The following PPP4R1 variants were observed in gnomAD, a reference collection of about 807,000 sequenced individuals.
The protein encoded by PPP4R1 is serine/threonine-protein phosphatase 4 regulatory subunit 1.
PPP4R1 carries 42 observed loss-of-function variants against 111.2 expected under a neutral mutation model. That is an observed-to-expected ratio of 0.38 (90% CI 0.29 to 0.49). The LOEUF is 0.49. Among genes scored for constraint, PPP4R1 ranks in the 20% least tolerant of loss-of-function variants. PPP4R1 has a pLI of 0.97. For synonymous variants in PPP4R1, 409 were observed against 405.5 expected (o/e 1.01, Z -0.10); for missense variants, 1,012 against 1,161.6 (o/e 0.87, Z 1.87).
rs1391750207 is a variant in PPP4R1, at chr18:9,593,888, AC to A, written c.189-15del. The A allele has an allele frequency of 6.3e-7, 1 of 1,599,838 alleles. No homozygotes were observed. Among genetic ancestry groups the A allele is most frequent in the Non-Finnish European group, 8.6e-7 (1 of 1,168,290 alleles). On this transcript the variant is annotated splice_polypyrimidine_tract_variant and intron_variant, in intron 3 of 19. Transcript: ENST00000400556. Reference sequence around the variant, plus strand: ...GCCACCATTTGTCTACACAAAAAAAACAAAATTATGTATGTTCAATGGCATC... The same window carrying A: ...GCCACCATTTGTCTACACAAAAAAAAAAAATTATGTATGTTCAATGGCATC...
At chr18:9,583,351 G>A in intron 8 of PPP4R1, 76 bp from the exon 9 acceptor site, 1 of 1,296,404 alleles carries the variant, frequency 7.7e-7, no homozygotes, top group South Asian at 1.7e-5. Flanking sequence ...TTCATTTTCT[G>A]CTTTCACGCT....
At chr18:9,570,079 CTGAAA>C in intron 11 of PPP4R1, 73 bp downstream of exon 11, 2 of 1,428,162 alleles carry the variant, frequency 1.4e-6, no homozygotes, top group Non-Finnish European at 1.9e-6. Flanking sequence ...ACAATTTTTT[CTGAAA>C]TGAAATTTTT....
intron 14 of PPP4R1, among the ~76,000 whole-genome samples, chr18:9,558,074 A>T (rs2066615655): frequency 6.6e-6 from 1 of 152,238 alleles, no homozygotes; most frequent in Non-Finnish European, 1.5e-5. Flanking sequence ...TAATAATTTT[A>T]AGTTAAAAAC....
At chr18:9,613,316 T>C (rs1479460665) in intron 2 of PPP4R1, among the ~76,000 whole-genome samples, 1 of 152,256 alleles carries the variant, frequency 6.6e-6, no homozygotes, top group Non-Finnish European at 1.5e-5. Context: ...GAAACTATTT[T>C]AAGTTAACTG....
At chr18:9,611,483 T>A (rs2067578506) in intron 2 of PPP4R1, among the ~76,000 whole-genome samples, 1 of 152,172 alleles carries the variant, frequency 6.6e-6, no homozygotes, top group Non-Finnish European at 1.5e-5. Flanking sequence ...TCCCCCTCAT[T>A]CTTTCTCCCT....
intron 2 of PPP4R1, among the ~76,000 whole-genome samples, chr18:9,595,419 G>C (rs2067275499): frequency 3.3e-5 from 5 of 152,168 alleles, no homozygotes; most frequent in Admixed American, 3.3e-4. Flanking sequence ...CAGTATGCAG[G>C]AAAGTGACCA....
chr18:9,560,225 G>C (rs1204526273), intron 13 of PPP4R1, among the ~76,000 whole-genome samples: 1 of 152,212 alleles, frequency 6.6e-6, no homozygotes, highest in Admixed American at 6.5e-5. Flanking sequence ...AAGCTGCAGT[G>C]AGCTGGGATA....
At chr18:9,613,301 G>C (rs537643812) in intron 2 of PPP4R1, among the ~76,000 whole-genome samples, 1 of 152,304 alleles carries the variant, frequency 6.6e-6, no homozygotes, top group East Asian at 1.9e-4. Context: ...AGATTAGCAA[G>C]AATAGAAACT....
chr18:9,576,405 T>A (rs1370233458), intron 10 of PPP4R1, among the ~76,000 whole-genome samples: 2 of 151,966 alleles, frequency 1.3e-5, no homozygotes, highest in Non-Finnish European at 2.9e-5. Context: ...TATATTATAA[T>A]AAATTTTTAA....
chr18:9,550,122 T>C lies in PPP4R1; in HGVS notation c.2477A>G (p.Asn826Ser), dbSNP rs759424700. The C allele has an allele frequency of 3.7e-6, 6 of 1,614,178 alleles. No individual in the cohort carries two copies. The Admixed American group carries it at 5.0e-5, about 13-fold the overall frequency. Residue 826 changes from asparagine (N) to serine (S), a missense_variant, in exon 18 of 20, where the codon AAT (asparagine) becomes AGT (serine). Physicochemically the swap from Asn to Ser is conservative, Grantham distance 46. Transcript: ENST00000400556. ...TCTGCCAAAGTTCTCCACAAGCTCA[T>C]TGATGAGGTCCACTCCGAACGTTGG... Reference protein sequence around the residue: ...TPPTFGVDLINELVENFGRCP... With the variant: ...TPPTFGVDLISELVENFGRCP...
chr18:9,549,953 T>G, intron 18 of PPP4R1, 99 bp downstream of exon 18: 2 of 1,539,418 alleles, frequency 1.3e-6, no homozygotes, highest in East Asian at 2.2e-5. Flanking sequence ...GTTCTGTTCC[T>G]TAAGAGTAAG....
intron 2 of PPP4R1, among the ~76,000 whole-genome samples, chr18:9,603,435 TCAAC>T (rs1177224823): frequency 2.6e-5 from 4 of 152,214 alleles, no homozygotes; most frequent in African/African-American, 9.7e-5. Context: ...TTCTGGTTGA[TCAAC>T]CAAGTATTAA....
At chr18:9,577,601 A>C (rs1452632222) in intron 9 of PPP4R1, among the ~76,000 whole-genome samples, 5 of 152,174 alleles carry the variant, frequency 3.3e-5, no homozygotes, top group African/African-American at 9.6e-5. Context: ...CATGAGGCTA[A>C]GTCTGTAGTG....
In PPP4R1 at chr18:9,583,016, A is replaced by G. The variant is rs77378586; in HGVS notation, c.918+101T>C. 14,441 of 1,052,236 alleles carry G rather than the reference A, an allele frequency of 0.014. 807 individuals are homozygous for G. In the African/African-American group the frequency reaches 0.15, roughly 11 times the overall value. 65.2% of individuals were successfully genotyped at this position (1,052,236 alleles called of 1,614,324 possible). ...TATTCCTAAAAGTATAAAAAATAAT[A>G]TATCTTAAATTATAAGTTATTTCTT... On this transcript the variant is annotated intron_variant, in intron 9 of 19. Transcript: ENST00000400556.
intron 15 of PPP4R1, among the ~76,000 whole-genome samples, chr18:9,555,173 C>T (rs527553667): frequency 1.2e-4 from 19 of 152,048 alleles, no homozygotes; most frequent in South Asian, 2.1e-4. Context: ...CGTGGTGGTG[C>T]GCCTGTGGCC....
Position 9,610,867 on chromosome 18 carries a change from T to TACACACAC in PPP4R1, c.52+3351_52+3358dup, listed in dbSNP as rs60173784. Among the ~76,000 whole-genome samples, 725 of 149,886 alleles carry TACACACAC rather than the reference T, an allele frequency of 4.8e-3. 6 individuals carry two copies. The highest frequency in any genetic ancestry group is 0.01 in the Middle Eastern group (3 of 292). On this transcript the variant is annotated intron_variant, in intron 2 of 19. Coordinates refer to ENST00000400556, the MANE Select transcript of PPP4R1 (RefSeq NM_001042388.3). ...GAAACTCCTTCAATGAAATTATGTGTACACACACACACACACACACACACA... is the reference window on the plus strand; with the variant it reads ...GAAACTCCTTCAATGAAATTATGTGTACACACACACACACACACACACACACACACACA...
In PPP4R1 at chr18:9,588,769, G is replaced by C. The variant is rs757945846; in HGVS notation, c.380C>G (p.Ala127Gly). ...AATAGGTAGTAAGAATTTTGAAAAA[G>C]CATATGGTATTGAAGGCCGGTTTTC... ...CQENRPSIPYAFSKFLLPIVV... is the reference protein window; with the variant it reads ...CQENRPSIPYGFSKFLLPIVV... The change falls in exon 5 of 20, where the codon GCT becomes GGT. Residue 127 changes from alanine to glycine, a missense_variant. Ala to Gly is a moderately conservative substitution (Grantham distance 60, BLOSUM62 0). Transcript: ENST00000400556. 2 of 1,613,834 alleles carry C rather than the reference G, an allele frequency of 1.2e-6. No individual in the cohort carries two copies. The highest frequency in any genetic ancestry group is 1.7e-6 in the Non-Finnish European group (2 of 1,179,758).
rs1451825117 is a variant in PPP4R1, at chr18:9,605,465, T to TA, written c.52+8760dup. ...GAATCTTTACAGTGGAGCAATTTGA[T>TA]AGACATCACCTCCACACTACCAGTA... On this transcript the variant is annotated intron_variant, in intron 2 of 19. Coordinates refer to ENST00000400556, the MANE Select transcript of PPP4R1 (RefSeq NM_001042388.3). 6.8e-5 allele frequency among the ~76,000 whole-genome samples: 10 copies of TA among 147,562 alleles called. No individual in the cohort carries two copies. In the East Asian group the frequency reaches 2.0e-3, roughly 29 times the overall value.
At position 9,589,004 on chromosome 18, in the gene PPP4R1, A is replaced by G. The variant is rs931842954; in HGVS notation, c.296-151T>C. On this transcript the variant is annotated intron_variant, in intron 4 of 19. Transcript: ENST00000400556. The stretch of plus-strand genomic sequence containing the variant: ...ATCCTTTAATTCTGCATTCCTTTTC[A>G]GAATCATACACAGATCAATCCCATG... The G allele has an allele frequency of 1.2e-5, 12 of 961,590 alleles. No homozygotes were observed. The African/African-American group carries it at 1.5e-4, about 12-fold the overall frequency. The allele number at this position is 961,590 out of a possible 1,614,324, so 59.6% of individuals were successfully genotyped here.
Sources: gnomAD v4.1 joint callset for allele counts (sites outside exome capture counted in the v4.1 genomes callset) on GRCh38, gnomAD v4.1.1 for gene constraint, MANE v1.5 for transcripts, NCBI Gene and HGNC (gene_info 2026-07-23, HGNC 2026-07-21) for gene names.